RBFOX1: variants seen among roughly 807,000 people sequenced by gnomAD.
RBFOX1 encodes RNA binding protein fox-1 homolog 1.
RBFOX1 carries 8 observed loss-of-function variants against 57.7 expected under a neutral mutation model. That is an observed-to-expected ratio of 0.14 (90% CI 0.08 to 0.25). RBFOX1 has a LOEUF of 0.25. Ranked by LOEUF, RBFOX1 falls within the 10% of genes least tolerant of loss-of-function variation. The probability of loss-of-function intolerance (pLI) is 1.00; values close to 1 mark genes in which losing one functional copy is unlikely to be tolerated. For synonymous variants in RBFOX1, 326 were observed against 222.4 expected (o/e 1.47, Z -4.15); for missense variants, 611 against 548.5 (o/e 1.11, Z -1.14).
chr16:6,770,821 T>C (rs139171482), intron 3 of RBFOX1, among the ~76,000 whole-genome samples: 1 of 152,132 alleles, frequency 6.6e-6, no homozygotes, highest in South Asian at 2.1e-4. Context: ...AAATGAGCAA[T>C]GGAGAGAGCC....
chr16:7,710,693 C>T lies in RBFOX1; in HGVS notation c.1142C>T (p.Ser381Leu), dbSNP rs1366874938. The part of the protein sequence containing the change: ...HADDVGLVLS[S>L]LQASIYRGGY... ...GATGATGTGGGTCTCGTTCTTTCTT[C>T]ATTGCAGGCTAGTATATACCGAGGG... Residue 381 changes from serine (S) to leucine (L), a missense_variant, in exon 16 of 16, where the codon TCA becomes TTA. Physicochemically the swap from Ser to Leu is moderately radical, Grantham distance 145. Transcript: ENST00000550418. 1 of 1,613,214 alleles carries T rather than the reference C, an allele frequency of 6.2e-7. No individual in the cohort carries two copies.
At chr16:6,628,036 T>C (rs746245812) in intron 2 of RBFOX1, among the ~76,000 whole-genome samples, 1 of 152,174 alleles carries the variant, frequency 6.6e-6, no homozygotes, top group Non-Finnish European at 1.5e-5. Flanking sequence ...GCAAAGGACA[T>C]CTCTGGGTCA....
chr16:6,325,871 G>T (rs1386893527), intron 2 of RBFOX1, among the ~76,000 whole-genome samples: 1 of 152,160 alleles, frequency 6.6e-6, no homozygotes, highest in Non-Finnish European at 1.5e-5. Flanking sequence ...GTTATTTGCA[G>T]ATCCTTGCTT....
chr16:7,651,940 G>C (rs1291449790), intron 11 of RBFOX1, among the ~76,000 whole-genome samples: 2 of 152,198 alleles, frequency 1.3e-5, no homozygotes, highest in East Asian at 3.9e-4. Context: ...GGGAGGGTTA[G>C]AGAAGCGAAC....
chr16:5,353,731 A>AC (rs2065316458), intron 1 of RBFOX1, among the ~76,000 whole-genome samples: 1 of 35,062 alleles, frequency 2.9e-5, no homozygotes, highest in South Asian at 1.3e-3. Context: ...TTGAGGAAAA[A>AC]AAAAAAAACC....
At chr16:7,639,283 G>C (rs777733332) in intron 11 of RBFOX1, among the ~76,000 whole-genome samples, 10 of 152,132 alleles carry the variant, frequency 6.6e-5, no homozygotes, top group Non-Finnish European at 1.2e-4. Context: ...TTTCAACAAT[G>C]CTGGCTCTAA....
chr16:5,280,996 CTTT>C (rs956053934), intron 1 of RBFOX1, among the ~76,000 whole-genome samples: 12 of 151,852 alleles, frequency 7.9e-5, no homozygotes, highest in African/African-American at 2.9e-4. Flanking sequence ...TTTGTTCTTG[CTTT>C]TTGAGTTCCT....
chr16:6,684,753 C>T (rs749335665), intron 3 of RBFOX1, among the ~76,000 whole-genome samples: 15 of 152,212 alleles, frequency 9.9e-5, no homozygotes, highest in East Asian at 1.9e-4. Context: ...TGACCGTTAA[C>T]TGGTCAGCAA....
intron 4 of RBFOX1, among the ~76,000 whole-genome samples, chr16:6,013,167 T>G (rs561115432): frequency 6.6e-5 from 10 of 152,332 alleles, no homozygotes; most frequent in African/African-American, 2.4e-4. Flanking sequence ...ATATGGAATA[T>G]GAACGCAGGC....
intron 2 of RBFOX1, among the ~76,000 whole-genome samples, chr16:5,568,805 T>C (rs1331611951): frequency 6.6e-6 from 1 of 152,164 alleles, no homozygotes; most frequent in Admixed American, 6.5e-5. Flanking sequence ...TCCCACCAAA[T>C]GACTCAACCT....
chr16:6,201,328 G>T (rs548459720), intron 1 of RBFOX1, among the ~76,000 whole-genome samples: 2 of 152,250 alleles, frequency 1.3e-5, no homozygotes, highest in South Asian at 2.1e-4. Context: ...CCAGCAGAAG[G>T]ATTGCTGGAT....
intron 3 of RBFOX1, among the ~76,000 whole-genome samples, chr16:5,783,848 C>G (rs2054406683): frequency 6.6e-6 from 1 of 152,124 alleles, no homozygotes; most frequent in Admixed American, 6.5e-5. Flanking sequence ...GGTTGCTCAT[C>G]TACAAAGTAA....
At chr16:6,935,180 C>T (rs1002890043) in intron 3 of RBFOX1, among the ~76,000 whole-genome samples, 8 of 152,094 alleles carry the variant, frequency 5.3e-5, no homozygotes, top group Admixed American at 3.3e-4. Context: ...TTCCCATCAT[C>T]GAAGTGAGAT....
At chr16:7,206,326 T>C (rs2089960140) in intron 4 of RBFOX1, among the ~76,000 whole-genome samples, 1 of 151,996 alleles carries the variant, frequency 6.6e-6, no homozygotes, top group African/African-American at 2.4e-5. Flanking sequence ...ACCATGCAAT[T>C]GGTTTGACTT....
intron 3 of RBFOX1, among the ~76,000 whole-genome samples, chr16:5,823,942 G>C (rs1363926485): frequency 6.6e-6 from 1 of 152,114 alleles, no homozygotes; most frequent in East Asian, 1.9e-4. Context: ...CTGGTCCATG[G>C]AAAAATTGTC....
chr16:5,665,794 G>C (rs2049824165), intron 3 of RBFOX1, among the ~76,000 whole-genome samples: 1 of 152,204 alleles, frequency 6.6e-6, no homozygotes, highest in Non-Finnish European at 1.5e-5. Context: ...GCACAGTCGT[G>C]CTCCCGGGTT....
chr16:6,970,674 A>G (rs898809544), intron 3 of RBFOX1, among the ~76,000 whole-genome samples: 5 of 152,166 alleles, frequency 3.3e-5, no homozygotes, highest in Admixed American at 6.5e-5. Flanking sequence ...TGACGTAATC[A>G]CCTTCTAAAA....
intron 1 of RBFOX1, among the ~76,000 whole-genome samples, chr16:6,242,931 T>C (rs17139660): frequency 0.12 from 18,771 of 152,174 alleles, 1,257 homozygotes; most frequent in Middle Eastern, 0.25. Context: ...AAGATGTGTA[T>C]GTTTGGAAAT....
At chr16:7,000,557 A>G (rs950377840) in intron 3 of RBFOX1, among the ~76,000 whole-genome samples, 1 of 148,068 alleles carries the variant, frequency 6.8e-6, no homozygotes. Context: ...GCAAAAACAC[A>G]TAATAAGTTT....
Sources: allele counts gnomAD v4.1 joint callset (sites outside exome capture counted in the v4.1 genomes callset), GRCh38; gene constraint gnomAD v4.1.1; transcripts MANE v1.5; gene names NCBI Gene and HGNC (gene_info 2026-07-23, HGNC 2026-07-21).